RAB39A: variants seen among roughly 807,000 people sequenced by gnomAD.
RAB39A encodes the protein ras-related protein Rab-39A.
Under a neutral mutation model 20.9 loss-of-function variants are expected in RAB39A, and 17 were observed. The ratio of observed to expected loss-of-function variants is 0.81; its 90% CI spans 0.56 to 1.22. The LOEUF (loss-of-function observed/expected upper bound fraction) is 1.22, where lower values mean the gene tolerates loss of function less well. RAB39A is among the 50% of genes most tolerant of loss of function. The pLI is 0.00. For synonymous variants in RAB39A, 99 were observed against 103.4 expected (o/e 0.96, Z 0.26); for missense variants, 234 against 270.5 (o/e 0.87, Z 0.95).
At chr11:107,938,615 A>G (rs745752356) in intron 1 of RAB39A, among the ~76,000 whole-genome samples, 7 of 149,090 alleles carry the variant, frequency 4.7e-5, no homozygotes, top group Non-Finnish European at 7.4e-5. Flanking sequence ...GTGCCCCTGT[A>G]GTCCCAGCTA....
chr11:107,935,309 G>A (rs1184906341), intron 1 of RAB39A, among the ~76,000 whole-genome samples: 1 of 152,098 alleles, frequency 6.6e-6, no homozygotes, highest in Non-Finnish European at 1.5e-5. Flanking sequence ...TACAATGCTT[G>A]TATATATATG....
Position 107,962,242 on chromosome 11 carries a change from T to C in RAB39A, c.524T>C (p.Ile175Thr). ...TCCTTCACAATCTTGACGAGAGACA[T>C]ATATGAACTTATTAAAAAGGGAGAA... ...EESFTILTRD[I>T]YELIKKGEIC... is the part of the protein sequence containing the mutation. Residue 175 changes from isoleucine to threonine, a missense_variant, in exon 2 of 2, where the codon ATA becomes ACA. Ile to Thr is a moderately conservative substitution (Grantham distance 89, BLOSUM62 -1). Transcript: ENST00000320578. The C allele has an allele frequency of 1.2e-6, 2 of 1,613,888 alleles. No individual in the cohort carries two copies. Among genetic ancestry groups the C allele is most frequent in the Non-Finnish European group, 1.7e-6 (2 of 1,179,942 alleles).
intron 1 of RAB39A, among the ~76,000 whole-genome samples, chr11:107,958,680 A>G (rs1025805458): frequency 6.6e-6 from 1 of 152,208 alleles, no homozygotes. Context: ...GTTTTTTTAT[A>G]ATGTGTATTA....
At chr11:107,954,360 G>T (rs1235775162) in intron 1 of RAB39A, among the ~76,000 whole-genome samples, 1 of 152,000 alleles carries the variant, frequency 6.6e-6, no homozygotes, top group East Asian at 1.9e-4. Flanking sequence ...GTCTTTCGGT[G>T]GCCATTCACA....
At chr11:107,952,868 C>T (rs981772356) in intron 1 of RAB39A, among the ~76,000 whole-genome samples, 8 of 152,056 alleles carry the variant, frequency 5.3e-5, no homozygotes, top group African/African-American at 1.4e-4. Context: ...GGTGACAGAA[C>T]GAGACTCCGT....
chr11:107,941,056 G>C (rs1020853226), intron 1 of RAB39A, among the ~76,000 whole-genome samples: 2 of 152,040 alleles, frequency 1.3e-5, no homozygotes, highest in Non-Finnish European at 2.9e-5. Flanking sequence ...TATAAGAGAA[G>C]ACATTATGAA....
At chr11:107,953,244 G>A (rs934840429) in intron 1 of RAB39A, among the ~76,000 whole-genome samples, 4 of 152,272 alleles carry the variant, frequency 2.6e-5, no homozygotes, top group Admixed American at 6.5e-5. Context: ...AAAGATATAA[G>A]AGATTTGTGA....
intron 1 of RAB39A, among the ~76,000 whole-genome samples, chr11:107,955,218 C>T (rs1445076522): frequency 3.3e-5 from 5 of 151,906 alleles, no homozygotes; most frequent in Admixed American, 6.6e-5. Context: ...AGGATGGTCT[C>T]AATCTCCCAA....
intron 1 of RAB39A, among the ~76,000 whole-genome samples, chr11:107,941,356 G>T (rs548255308): frequency 1.2e-4 from 18 of 152,254 alleles, no homozygotes; most frequent in African/African-American, 3.4e-4. Context: ...GAAAGAAAAA[G>T]TGTAGGCAAT....
chr11:107,939,608 TCAAAGAAAAAAA>T (rs1449591716), intron 1 of RAB39A, among the ~76,000 whole-genome samples: 3 of 137,378 alleles, frequency 2.2e-5, no homozygotes, highest in African/African-American at 8.3e-5. Flanking sequence ...AGACTCCATC[TCAAAGAAAAAAA>T]AAAAGAAAAA....
At chr11:107,934,297 G>C (rs755632024) in intron 1 of RAB39A, among the ~76,000 whole-genome samples, 6 of 152,056 alleles carry the variant, frequency 3.9e-5, no homozygotes, top group Non-Finnish European at 7.3e-5. Flanking sequence ...AGCTGGGCAT[G>C]GTGGCATGGA....
intron 1 of RAB39A, among the ~76,000 whole-genome samples, chr11:107,947,332 C>T (rs891871578): frequency 6.6e-6 from 1 of 152,046 alleles, no homozygotes; most frequent in African/African-American, 2.4e-5. Flanking sequence ...TGGTCTTGAT[C>T]TCTTGACCTC....
At chr11:107,951,342 A>G (rs569492654) in intron 1 of RAB39A, among the ~76,000 whole-genome samples, 1 of 152,330 alleles carries the variant, frequency 6.6e-6, no homozygotes, top group African/African-American at 2.4e-5. Flanking sequence ...ATGTAATGTC[A>G]TGCTGAAAAA....
At chr11:107,947,226 C>T (rs962597016) in intron 1 of RAB39A, among the ~76,000 whole-genome samples, 24 of 151,974 alleles carry the variant, frequency 1.6e-4, no homozygotes, top group African/African-American at 5.3e-4. Flanking sequence ...CTCAGCCTCC[C>T]GAGTAGCTGG....
At chr11:107,961,188 T>G (rs1333040413) in intron 1 of RAB39A, among the ~76,000 whole-genome samples, 2 of 152,166 alleles carry the variant, frequency 1.3e-5, no homozygotes, top group Non-Finnish European at 2.9e-5. Context: ...CAACAGAAAT[T>G]TAGTTCTCAC....
At chr11:107,945,760 CG>C (rs1861301386) in intron 1 of RAB39A, among the ~76,000 whole-genome samples, 1 of 152,114 alleles carries the variant, frequency 6.6e-6, no homozygotes, top group Non-Finnish European at 1.5e-5. Context: ...TTCTCTCCCC[CG>C]CCAACCACAT....
chr11:107,961,411 C>G (rs1423284584), intron 1 of RAB39A, among the ~76,000 whole-genome samples: 1 of 152,066 alleles, frequency 6.6e-6, no homozygotes, highest in Non-Finnish European at 1.5e-5. Flanking sequence ...TCCCAAAGGC[C>G]CCTCCTCCTA....
rs58613355 is a variant in RAB39A, at chr11:107,938,359, CAAAAAAAA to C, written c.227+9578_227+9585del. Among the ~76,000 whole-genome samples the C allele has an allele frequency of 2.1e-4, 13 of 63,362 alleles. No homozygotes were observed. In the East Asian group the frequency reaches 4.3e-3, roughly 21 times the overall value. 41.6% of individuals were successfully genotyped at this position (63,362 alleles called of 152,430 possible). On this transcript the variant is annotated intron_variant, in intron 1 of 1. Coordinates refer to ENST00000320578, the MANE Select transcript of RAB39A (RefSeq NM_017516.3). ...TGGGCAATAGAGCAAGACTCCGTCT[CAAAAAAAA>C]AAAAAAAAAAAAAGAATGAGACAGC...
At chr11:107,943,570 CAAAA>C (rs1306320458) in intron 1 of RAB39A, among the ~76,000 whole-genome samples, 3 of 56,548 alleles carry the variant, frequency 5.3e-5, no homozygotes, top group African/African-American at 6.6e-5. Flanking sequence ...GACTCCGTCT[CAAAA>C]AAAAAAAAAA....
Sources: allele counts gnomAD v4.1 joint callset (sites outside exome capture counted in the v4.1 genomes callset), GRCh38; gene constraint gnomAD v4.1.1; transcripts MANE v1.5; gene names NCBI Gene and HGNC (gene_info 2026-07-23, HGNC 2026-07-21).